FOCAD: variants seen among roughly 807,000 people sequenced by gnomAD.
FOCAD encodes the protein focadhesin.
A neutral mutation model predicts 225.6 loss-of-function variants in FOCAD; 198 were observed. The ratio of observed to expected loss-of-function variants is 0.88; its 90% CI spans 0.78 to 0.99. FOCAD has a LOEUF of 0.99. Among genes scored for constraint, FOCAD ranks in the 50% least tolerant of loss-of-function variants. FOCAD has a pLI of 0.00. For missense variants in FOCAD, 2,713 were observed against 2,123.6 expected (o/e 1.28, Z -5.46); for synonymous variants, 897 against 755.0 (o/e 1.19, Z -3.08).
intron 20 of FOCAD, 116 bp downstream of exon 20, chr9:20,882,172 G>T (rs1357888597): frequency 4.7e-6 from 4 of 855,242 alleles, no homozygotes; most frequent in South Asian, 1.8e-5. Flanking sequence ...CTAACATGTG[G>T]ATAAATTATA....
intron 28 of FOCAD, 33 bp downstream of exon 28, chr9:20,933,136 C>G (rs1292130784): frequency 2.1e-6 from 3 of 1,455,672 alleles, no homozygotes; most frequent in South Asian, 1.1e-5. Context: ...CTCACAGGTA[C>G]TTAGACATTG....
chr9:20,691,574 C>T (rs1260349320), intron 1 of FOCAD, among the ~76,000 whole-genome samples: 8 of 151,842 alleles, frequency 5.3e-5, no homozygotes, highest in East Asian at 1.9e-4. Context: ...CCGCACCTCC[C>T]GGGTTCACGC....
intron 21 of FOCAD, among the ~76,000 whole-genome samples, chr9:20,903,663 C>T (rs921445644): frequency 1.3e-5 from 2 of 151,828 alleles, no homozygotes; most frequent in Non-Finnish European, 2.9e-5. Context: ...GTTAGACTGA[C>T]CTCTTTTCTC....
At chr9:20,784,752 G>A (rs1267816500) in intron 10 of FOCAD, among the ~76,000 whole-genome samples, 1 of 152,162 alleles carries the variant, frequency 6.6e-6, no homozygotes. Flanking sequence ...CTTTGAAGTA[G>A]TATATAGTAA....
At chr9:20,741,876 A>T (rs1355338638) in intron 5 of FOCAD, among the ~76,000 whole-genome samples, 1 of 152,074 alleles carries the variant, frequency 6.6e-6, no homozygotes, top group Non-Finnish European at 1.5e-5. Flanking sequence ...AAATAATTCA[A>T]TTTAGTTGTT....
intron 11 of FOCAD, among the ~76,000 whole-genome samples, chr9:20,790,813 G>A (rs1464176267): frequency 6.6e-6 from 1 of 152,012 alleles, no homozygotes; most frequent in East Asian, 1.9e-4. Flanking sequence ...AATGTATTTG[G>A]AATTCCTTTT....
chr9:20,932,033 C>T lies in FOCAD; in HGVS notation c.3318-981C>T, dbSNP rs377173967. Among the ~76,000 whole-genome samples, 22 of 152,094 alleles carry T rather than the reference C, an allele frequency of 1.4e-4. No individual in the cohort carries two copies. In the South Asian group the frequency reaches 3.7e-3, roughly 26 times the overall value. ...GAAGCTGTGGAATGTTGTTCCACAG[C>T]TTCTTGCTTCTGTCATAACCCCCAG... On this transcript the variant is annotated intron_variant, in intron 27 of 43. Transcript: ENST00000338382.
chr9:20,865,956 T>C lies in FOCAD; in HGVS notation c.2086T>C (p.Trp696Arg), dbSNP rs780481117. 1 of 1,609,088 alleles carries C rather than the reference T, an allele frequency of 6.2e-7. No individual in the cohort carries two copies. Among genetic ancestry groups the C allele is most frequent in the Non-Finnish European group, 8.5e-7 (1 of 1,177,722 alleles). ...TAAAGTTCAAGTCCTCAGCTTCCTC[T>C]GGACTCATACTCAAAACAAGGTACT... ...NFKVQVLSFL[W>R]THTQNKDPIV... is the part of the protein sequence containing the mutation. Residue 696 changes from tryptophan (W) to arginine (R), a missense_variant, in exon 17 of 44, where the codon TGG becomes CGG. Physicochemically the swap from Trp to Arg is moderately radical, Grantham distance 101. Transcript: ENST00000338382.
chr9:20,935,728 C>T (rs968567808), intron 28 of FOCAD, among the ~76,000 whole-genome samples: 1 of 152,068 alleles, frequency 6.6e-6, no homozygotes, highest in African/African-American at 2.4e-5. Flanking sequence ...TTTGTTGAGG[C>T]CATTTGAATT....
intron 15 of FOCAD, among the ~76,000 whole-genome samples, chr9:20,850,709 T>C (rs879726649): frequency 1.3e-5 from 2 of 151,620 alleles, no homozygotes; most frequent in Non-Finnish European, 3.0e-5. Context: ...TGGCACAATT[T>C]AAATTGGTAT....
upstream of FOCAD, among the ~76,000 whole-genome samples, chr9:20,679,272 T>G (rs1393766305): frequency 6.6e-6 from 1 of 152,064 alleles, no homozygotes; most frequent in African/African-American, 2.4e-5. Flanking sequence ...TGGGGAGCCA[T>G]TGGAGACTCG....
At chr9:20,818,546 A>G (rs981775637) in intron 11 of FOCAD, among the ~76,000 whole-genome samples, 4 of 152,068 alleles carry the variant, frequency 2.6e-5, no homozygotes, top group South Asian at 2.1e-4. Context: ...TACATGTTGT[A>G]TGAGAAAGGG....
chr9:20,933,253 A>G, intron 28 of FOCAD, 150 bp downstream of exon 28: 2 of 591,894 alleles, frequency 3.4e-6, no homozygotes, highest in South Asian at 4.2e-5. Flanking sequence ...TTACATGAGT[A>G]AGTTCTTTAG....
At chr9:20,815,819 T>TC (rs1823673646) in intron 11 of FOCAD, among the ~76,000 whole-genome samples, 1 of 152,066 alleles carries the variant, frequency 6.6e-6, no homozygotes, top group Non-Finnish European at 1.5e-5. Context: ...GATTCAAGAT[T>TC]AGGAGGATCA....
rs371661463 is a variant in FOCAD at position 20,906,740 on chromosome 9, A to T, written c.2626-410A>T. On this transcript the variant is annotated intron_variant, in intron 21 of 43. Transcript: ENST00000338382. ...AAATTTATTACTTCAGAATGGTCAT[A>T]TTGGAAATCCAGGATATGAGCAATA... 7.8e-4 allele frequency among the ~76,000 whole-genome samples: 118 copies of T among 152,198 alleles called. 3 individuals carry two copies. The South Asian group carries it at 0.023, about 30-fold the overall frequency.
chr9:20,907,732 C>G (rs1261242786), intron 22 of FOCAD, among the ~76,000 whole-genome samples: 2 of 152,094 alleles, frequency 1.3e-5, no homozygotes, highest in East Asian at 3.9e-4. Context: ...CTTTCTGTCT[C>G]TGACCCTGCC....
chr9:20,673,683 AC>A (rs1379752952), intron 2 of FOCAD, among the ~76,000 whole-genome samples: 55 of 151,990 alleles, frequency 3.6e-4, no homozygotes, highest in African/African-American at 1.3e-3. Flanking sequence ...GCTCATTGCA[AC>A]CTCTGCCTCC....
intron 40 of FOCAD, among the ~76,000 whole-genome samples, chr9:20,987,214 C>G (rs940940118): frequency 1.3e-5 from 2 of 152,142 alleles, no homozygotes; most frequent in African/African-American, 4.8e-5. Flanking sequence ...GAAAAACTGA[C>G]AAACACGATT....
At chr9:20,834,673 T>G (rs919651174) in intron 15 of FOCAD, among the ~76,000 whole-genome samples, 2 of 151,948 alleles carry the variant, frequency 1.3e-5, no homozygotes, top group Non-Finnish European at 2.9e-5. Flanking sequence ...AACTAATCTA[T>G]GTGTGTAGAA....
Sources: gnomAD v4.1 joint callset for allele counts (sites outside exome capture counted in the v4.1 genomes callset) on GRCh38, gnomAD v4.1.1 for gene constraint, MANE v1.5 for transcripts, NCBI Gene and HGNC (gene_info 2026-07-23, HGNC 2026-07-21) for gene names.